The following ZNF571 variants were observed in gnomAD, a reference collection of about 807,000 sequenced individuals.
ZNF571 encodes the protein zinc finger protein 571.
Under a neutral mutation model 7.7 loss-of-function variants are expected in ZNF571, and 4 were observed. That is an observed-to-expected ratio of 0.52 (90% CI 0.25 to 1.18). The LOEUF (loss-of-function observed/expected upper bound fraction) is 1.18, where lower values mean the gene tolerates loss of function less well. ZNF571 is among the 50% of genes most tolerant of loss of function. The pLI, the probability that ZNF571 is intolerant of heterozygous loss-of-function variation, is 0.14. For missense variants in ZNF571, 704 were observed against 726.9 expected (o/e 0.97, Z 0.36); for synonymous variants, 251 against 232.4 (o/e 1.08, Z -0.73).
chr19:37,587,815 C>T (rs565312039), intron 1 of ZNF571, among the ~76,000 whole-genome samples: 2 of 151,996 alleles, frequency 1.3e-5, no homozygotes, highest in East Asian at 1.9e-4. Flanking sequence ...GCAATATCAT[C>T]GTCATTAAGA....
At chr19:37,581,250 A>G (rs992005271) in intron 3 of ZNF571, among the ~76,000 whole-genome samples, 1 of 152,124 alleles carries the variant, frequency 6.6e-6, no homozygotes, top group African/African-American at 2.4e-5. Flanking sequence ...CAATTGCCAA[A>G]TCCATAATAG....
chr19:37,590,773 AAAC>A (rs1186364463), intron 1 of ZNF571, among the ~76,000 whole-genome samples: 12 of 152,184 alleles, frequency 7.9e-5, no homozygotes, highest in African/African-American at 2.9e-4. Flanking sequence ...AAATTTTAAA[AAAC>A]CAATGCTATG....
chr19:37,592,578 G>T (rs1418700560), intron 1 of ZNF571, among the ~76,000 whole-genome samples: 1 of 152,166 alleles, frequency 6.6e-6, no homozygotes, highest in Non-Finnish European at 1.5e-5. Context: ...GTGAAAAAAA[G>T]GAAAGGATTA....
chr19:37,584,209 A>G lies in ZNF571; in HGVS notation c.10-112T>C, dbSNP rs899678658. The G allele has an allele frequency of 8.6e-6, 13 of 1,512,108 alleles. No homozygotes were observed. In the African/African-American group the frequency reaches 1.8e-4, roughly 21 times the overall value. The allele number at this position is 1,512,108 out of a possible 1,614,324, so 93.7% of individuals were successfully genotyped here. On this transcript the variant is annotated intron_variant, in intron 2 of 3. Coordinates refer to ENST00000451802, the MANE Select transcript of ZNF571 (RefSeq NM_016536.5). ...AGCAAGTAACACAAAACAACAGGAAATTGGTTGCCTAAACAGTAGTATTAA... is the reference window on the plus strand; with the variant it reads ...AGCAAGTAACACAAAACAACAGGAAGTTGGTTGCCTAAACAGTAGTATTAA...
intron 3 of ZNF571, among the ~76,000 whole-genome samples, chr19:37,576,429 C>CA (rs1418268592): frequency 6.6e-6 from 1 of 152,180 alleles, no homozygotes; most frequent in Non-Finnish European, 1.5e-5. Context: ...GAGCAGGCTT[C>CA]AAGCACACTA....
chr19:37,591,301 A>C (rs1210625760), intron 1 of ZNF571, among the ~76,000 whole-genome samples: 1 of 152,218 alleles, frequency 6.6e-6, no homozygotes. Context: ...AAAGCAAATA[A>C]GCTATCAACT....
intron 3 of ZNF571, among the ~76,000 whole-genome samples, chr19:37,578,651 G>T (rs1192738417): frequency 1.5e-4 from 22 of 151,070 alleles, no homozygotes; most frequent in African/African-American, 4.9e-4. Flanking sequence ...CCCTGCCCCC[G>T]CCTGAGCTCC....
intron 1 of ZNF571, chr19:37,594,538 T>A (rs892122074): frequency 6.6e-6 from 1 of 152,230 alleles, no homozygotes; most frequent in Non-Finnish European, 1.5e-5. Flanking sequence ...CCCCCGCCAC[T>A]GCCAGAACCA....
intron 1 of ZNF571, among the ~76,000 whole-genome samples, chr19:37,591,964 T>A (rs2043881368): frequency 6.6e-6 from 1 of 152,084 alleles, no homozygotes; most frequent in South Asian, 2.1e-4. Flanking sequence ...CATATATAAC[T>A]GTTAATGAAT....
At chr19:37,587,977 G>C (rs773634092) in intron 1 of ZNF571, among the ~76,000 whole-genome samples, 3 of 151,894 alleles carry the variant, frequency 2.0e-5, no homozygotes, top group Non-Finnish European at 2.9e-5. Context: ...GCACATGCCT[G>C]TAGTCCCAGC....
At chr19:37,589,748 C>T (rs1218804932) in intron 1 of ZNF571, among the ~76,000 whole-genome samples, 3 of 150,384 alleles carry the variant, frequency 2.0e-5, no homozygotes, top group Non-Finnish European at 4.4e-5. Context: ...CATCTGTAAT[C>T]CCAGCTACTT....
chr19:37,582,105 A>G (rs2043490316), intron 3 of ZNF571, among the ~76,000 whole-genome samples: 2 of 152,102 alleles, frequency 1.3e-5, no homozygotes. Flanking sequence ...TGTAACTTTG[A>G]GGGTTCCTCA....
At chr19:37,585,504 C>T (rs2043639446) in intron 2 of ZNF571, 1 of 152,152 alleles carries the variant, frequency 6.6e-6, no homozygotes, top group African/African-American at 2.4e-5. Flanking sequence ...CAATGACCAA[C>T]AAAGCAATGA....
chr19:37,566,206 C>T lies in ZNF571; in HGVS notation c.222G>A (p.Gly74=), dbSNP rs1242749613. ...EMESLQWENM[G]KRINHHLQYN... Reference sequence around the variant, plus strand: ...ATTGAAGGTGATGGTTGATACGTTTCCCCATATTCTCCCACTGGAGTGATT... The same window carrying T: ...ATTGAAGGTGATGGTTGATACGTTTTCCCATATTCTCCCACTGGAGTGATT... Residue 74 remains glycine (G), a synonymous_variant, in exon 4 of 4, where the codon GGG becomes GGA. Coordinates refer to ENST00000451802, the MANE Select transcript of ZNF571 (RefSeq NM_016536.5). The T allele has an allele frequency of 7.4e-6, 12 of 1,613,790 alleles. No individual in the cohort carries two copies. Among genetic ancestry groups the T allele is most frequent in the African/African-American group, 1.3e-5 (1 of 74,892 alleles).
intron 3 of ZNF571, among the ~76,000 whole-genome samples, chr19:37,577,717 T>G (rs183833860): frequency 8.5e-5 from 13 of 152,284 alleles, no homozygotes; most frequent in Admixed American, 5.2e-4. Flanking sequence ...CAGTTCAACT[T>G]TAAATTTACT....
At chr19:37,587,057 C>A in intron 1 of ZNF571, 1 of 205,420 alleles carries the variant, frequency 4.9e-6, no homozygotes, top group Non-Finnish European at 9.6e-6. Context: ...TGCTCCCAAT[C>A]TTAGGAAGGG....
chr19:37,592,222 C>A (rs1184754786), intron 1 of ZNF571, among the ~76,000 whole-genome samples: 2 of 152,106 alleles, frequency 1.3e-5, no homozygotes, highest in Non-Finnish European at 1.5e-5. Flanking sequence ...CACACCACTA[C>A]ACTCCAGCCT....
Position 37,566,114 on chromosome 19 carries a change from C to T in ZNF571, c.314G>A (p.Gly105Glu), listed in dbSNP as rs1289581310. The change falls in exon 4 of 4, where the codon GGG (glycine) becomes GAG (glutamate). Residue 105 changes from glycine (G) to glutamate (E), a missense_variant. Coordinates refer to ENST00000451802, the MANE Select transcript of ZNF571 (RefSeq NM_016536.5). ...GGTAATTTTGACACACATGTAAAGC[C>T]CTTCCTGACTTGCTTCTTGACCCTC... Reference protein sequence around the residue: ...NLEGQEASQEGLYMCVKITCE... With the variant: ...NLEGQEASQEELYMCVKITCE... 7 of 1,614,002 alleles carry T rather than the reference C, an allele frequency of 4.3e-6. No homozygotes were observed. The highest frequency in any genetic ancestry group is 5.9e-6 in the Non-Finnish European group (7 of 1,179,926).
intron 1 of ZNF571, among the ~76,000 whole-genome samples, chr19:37,591,796 G>A (rs904167860): frequency 3.3e-5 from 5 of 151,972 alleles, no homozygotes; most frequent in East Asian, 1.9e-4. Context: ...CGCCTGCCTC[G>A]GCCTCCCAAA....
Sources: allele counts gnomAD v4.1 joint callset (sites outside exome capture counted in the v4.1 genomes callset), GRCh38; gene constraint gnomAD v4.1.1; transcripts MANE v1.5; gene names NCBI Gene and HGNC (gene_info 2026-07-23, HGNC 2026-07-21).